LARS2: variants seen among roughly 807,000 people sequenced by gnomAD.
LARS2 encodes the protein leucine--tRNA ligase, mitochondrial.
A neutral mutation model predicts 116.6 loss-of-function variants in LARS2; 81 were observed. The ratio of observed to expected loss-of-function variants is 0.69; its 90% CI spans 0.58 to 0.84. The LOEUF (loss-of-function observed/expected upper bound fraction) is 0.84. LARS2 is among the 40% of genes least tolerant of loss of function. The probability of loss-of-function intolerance (pLI) is 0.00; values close to 1 mark genes in which losing one functional copy is unlikely to be tolerated. For missense variants in LARS2, 968 were observed against 1,114.5 expected (o/e 0.87, Z 1.87); for synonymous variants, 396 against 407.2 (o/e 0.97, Z 0.33).
rs188000453 is a variant in LARS2 at position 45,509,353 on chromosome 3, T to C, written c.1761-3782T>C. The C allele has an allele frequency of 7.9e-5, 12 of 152,248 alleles. No individual in the cohort carries two copies. The East Asian group carries it at 2.1e-3, about 27-fold the overall frequency. The allele number at this position is 152,248 out of a possible 1,614,324, so 9.4% of individuals were successfully genotyped here. On this transcript the variant is annotated intron_variant, in intron 15 of 21. Coordinates refer to ENST00000645846, the MANE Select transcript of LARS2 (RefSeq NM_015340.4). ...AATGAGTGAACAAAAGGGAAACACA[T>C]TACCCCAATTGTGAATCTGAATAAT...
chr3:45,431,480 A>G lies in LARS2; in HGVS notation c.516+11751A>G, dbSNP rs543872215. Among the ~76,000 whole-genome samples, 4 of 152,226 alleles carry G rather than the reference A, an allele frequency of 2.6e-5. No homozygotes were observed. The East Asian group carries it at 7.7e-4, about 29-fold the overall frequency. On this transcript the variant is annotated intron_variant, in intron 6 of 21. Coordinates refer to ENST00000645846, the MANE Select transcript of LARS2 (RefSeq NM_015340.4). ...AACAACTATTACTTTATGTTTTTTG[A>G]TACACAGTGTATAAAGATGTAATTA...
At chr3:45,502,412 T>C (rs1192390077) in intron 15 of LARS2, among the ~76,000 whole-genome samples, 1 of 152,136 alleles carries the variant, frequency 6.6e-6, no homozygotes, top group Non-Finnish European at 1.5e-5. Context: ...CTTTCCTTTA[T>C]GGCTACTGCT....
chr3:45,500,094 C>T (rs183846225), intron 14 of LARS2, among the ~76,000 whole-genome samples: 6 of 152,248 alleles, frequency 3.9e-5, no homozygotes, highest in African/African-American at 1.4e-4. Context: ...CTCTGCCTCC[C>T]GGGTTCAAGT....
At chr3:45,437,190 T>C (rs898646368) in intron 6 of LARS2, among the ~76,000 whole-genome samples, 9 of 152,212 alleles carry the variant, frequency 5.9e-5, no homozygotes, top group African/African-American at 1.9e-4. Context: ...TTTAAGAATT[T>C]AGCTTTTAGC....
intron 19 of LARS2, among the ~76,000 whole-genome samples, chr3:45,522,267 G>C (rs1700467170): frequency 6.6e-5 from 10 of 152,178 alleles, no homozygotes; most frequent in Admixed American, 6.5e-4. Flanking sequence ...AGTGTTCACT[G>C]CAGATAATTT....
In LARS2 at chr3:45,400,325, C is replaced by T. The variant is rs765128246; in HGVS notation, c.315C>T (p.Tyr105=). 8.1e-6 allele frequency: 13 copies of T among 1,614,008 alleles called. No individual in the cohort carries two copies. In the Admixed American group the frequency reaches 1.2e-4, roughly 14 times the overall value. ...GKLHMGHVRV[Y]TISDTIARFQ... is the part of the protein sequence containing the mutation. Reference sequence around the variant, plus strand: ...TGCACATGGGCCATGTGCGTGTCTACACCATCAGCGACACCATAGCACGGT... The same window carrying T: ...TGCACATGGGCCATGTGCGTGTCTATACCATCAGCGACACCATAGCACGGT... The change falls in exon 4 of 22, where the codon TAC becomes TAT. Residue 105 remains tyrosine (Y), a synonymous_variant. Transcript: ENST00000645846.
At chr3:45,443,673 A>T (rs1339367161) in intron 6 of LARS2, among the ~76,000 whole-genome samples, 3 of 152,064 alleles carry the variant, frequency 2.0e-5, no homozygotes, top group African/African-American at 4.8e-5. Context: ...TTTCAGTACG[A>T]CGGAACTTAT....
intron 4 of LARS2, among the ~76,000 whole-genome samples, chr3:45,412,530 A>G (rs764620519): frequency 6.6e-6 from 1 of 152,256 alleles, no homozygotes. Context: ...ATGCCATTTC[A>G]TTTGTTAAAT....
rs536853368 is a variant in LARS2, at chr3:45,417,558, A to T, written c.440A>T (p.Gln147Leu). Residue 147 changes from glutamine to leucine, a missense_variant, in exon 5 of 22, where the codon CAA (glutamine) becomes CTA (leucine). By Grantham distance (113) the Gln-to-Leu change is moderately radical. Transcript: ENST00000645846. ...NAAVERNLHP[Q>L]SWTQSNIKHM... ...GCAGTCGAGAGGAATCTACATCCAC[A>T]AAGTTGGACACAAAGGTAAGTGTTT... The T allele has an allele frequency of 9.3e-6, 15 of 1,613,698 alleles. No individual in the cohort carries two copies. In the South Asian group the frequency reaches 1.6e-4, roughly 18 times the overall value.
chr3:45,391,034 T>G (rs1205708039), intron 1 of LARS2, among the ~76,000 whole-genome samples: 1 of 152,222 alleles, frequency 6.6e-6, no homozygotes, highest in Non-Finnish European at 1.5e-5. Context: ...TTGCTGAACA[T>G]TTTCTCGTAG....
intron 20 of LARS2, among the ~76,000 whole-genome samples, chr3:45,530,820 T>A (rs1700604058): frequency 6.6e-6 from 1 of 152,232 alleles, no homozygotes; most frequent in Non-Finnish European, 1.5e-5. Flanking sequence ...GACTAGCCTT[T>A]CTTCATTTCT....
chr3:45,517,886 ACTGATGCTGAATTCAG>A lies in LARS2; in HGVS notation c.2045-8_2052del. 6.2e-7 allele frequency: 1 copy of A among 1,604,108 alleles called. No individual in the cohort carries two copies. The highest frequency in any genetic ancestry group is 8.5e-7 in the Non-Finnish European group (1 of 1,174,910). On this transcript the variant is annotated splice_acceptor_variant and splice_polypyrimidine_tract_variant and intron_variant, in intron 17 of 21. Coordinates refer to ENST00000645846, the MANE Select transcript of LARS2 (RefSeq NM_015340.4). LOFTEE classifies it high-confidence loss of function. Reference sequence around the variant, plus strand: ...GTTGCACGCTCTCTCTTTCTCATTTACTGATGCTGAATTCAGCTGATGCTCTCCCTGGGGTGCTGAG... The same window carrying A: ...GTTGCACGCTCTCTCTTTCTCATTTACTGATGCTCTCCCTGGGGTGCTGAG...
intron 8 of LARS2, among the ~76,000 whole-genome samples, chr3:45,460,223 T>C (rs1431475751): frequency 2.0e-5 from 3 of 152,234 alleles, no homozygotes; most frequent in Admixed American, 6.5e-5. Context: ...TTAGAACTTG[T>C]TAACATGGTG....
chr3:45,521,333 A>G (rs1278848819), intron 19 of LARS2, among the ~76,000 whole-genome samples: 1 of 151,808 alleles, frequency 6.6e-6, no homozygotes, highest in Non-Finnish European at 1.5e-5. Flanking sequence ...TAAAATAATT[A>G]GCCTGGCATG....
At chr3:45,546,699 G>A (rs768131693) in intron 21 of LARS2, among the ~76,000 whole-genome samples, 3 of 152,090 alleles carry the variant, frequency 2.0e-5, no homozygotes, top group Non-Finnish European at 4.4e-5. Flanking sequence ...GAGCCACGTG[G>A]TCACCTTCCC....
chr3:45,514,896 A>C (rs1700349381), intron 16 of LARS2, among the ~76,000 whole-genome samples: 1 of 152,176 alleles, frequency 6.6e-6, no homozygotes, highest in African/African-American at 2.4e-5. Flanking sequence ...CTCTGCTGTC[A>C]TGGGGTCAGG....
intron 4 of LARS2, among the ~76,000 whole-genome samples, chr3:45,407,211 G>A (rs1025048487): frequency 6.6e-6 from 1 of 152,200 alleles, no homozygotes; most frequent in African/African-American, 2.4e-5. Context: ...CAGGAAGCAA[G>A]GGAAGTTCTT....
intron 9 of LARS2, among the ~76,000 whole-genome samples, chr3:45,475,507 G>A (rs560458969): frequency 1.3e-5 from 2 of 152,338 alleles, no homozygotes; most frequent in East Asian, 3.9e-4. Context: ...CTTTGCATTT[G>A]CCTGAGTCTG....
At chr3:45,416,877 A>G (rs186147142) in intron 4 of LARS2, among the ~76,000 whole-genome samples, 1 of 152,024 alleles carries the variant, frequency 6.6e-6, no homozygotes, top group Non-Finnish European at 1.5e-5. Context: ...GATCGAGACC[A>G]TCCTGGCTGA....
Sources: gnomAD v4.1 joint callset for allele counts (sites outside exome capture counted in the v4.1 genomes callset) on GRCh38, gnomAD v4.1.1 for gene constraint, MANE v1.5 for transcripts, NCBI Gene and HGNC (gene_info 2026-07-23, HGNC 2026-07-21) for gene names.